MTSS1: variants seen among roughly 807,000 people sequenced by gnomAD.
MTSS1 encodes the protein protein MTSS 1.
A neutral mutation model predicts 79.0 loss-of-function variants in MTSS1; 18 were observed. That is an observed-to-expected ratio of 0.23 (90% CI 0.16 to 0.34). The LOEUF (loss-of-function observed/expected upper bound fraction) is 0.34. MTSS1 is among the 10% of genes least tolerant of loss of function. The pLI is 1.00. For synonymous variants in MTSS1, 341 were observed against 368.6 expected, an observed-to-expected ratio of 0.93 and a Z score of 0.86; for missense variants, 815 against 986.2, an observed-to-expected ratio of 0.83 and a Z score of 2.33.
At chr8:124,652,908 C>T (rs1206037271) in intron 3 of MTSS1, among the ~76,000 whole-genome samples, 1 of 152,060 alleles carries the variant, frequency 6.6e-6, no homozygotes, top group Admixed American at 6.5e-5. Context: ...TTTCATTAAC[C>T]TATCATCAAC....
chr8:124,667,671 A>G (rs1329613787), intron 3 of MTSS1, among the ~76,000 whole-genome samples: 1 of 151,874 alleles, frequency 6.6e-6, no homozygotes, highest in Admixed American at 6.6e-5. Flanking sequence ...ATAAATAACA[A>G]CAACTCCGGG....
rs1208278437 is a variant in MTSS1 at position 124,605,913 on chromosome 8, A to T, written c.209-14678T>A. On this transcript the variant is annotated intron_variant, in intron 3 of 13. Coordinates refer to ENST00000518547, the MANE Select transcript of MTSS1 (RefSeq NM_014751.6). ...GCAGGAATGTTGTATTCATTTTTTT[A>T]AAATCTCATTATACTCCTCTTATAG... Among the ~76,000 whole-genome samples the T allele has an allele frequency of 2.0e-5, 3 of 151,646 alleles. No homozygotes were observed. In the East Asian group the frequency reaches 5.8e-4, roughly 29 times the overall value.
At chr8:124,631,691 T>C (rs568753525) in intron 3 of MTSS1, among the ~76,000 whole-genome samples, 3 of 152,362 alleles carry the variant, frequency 2.0e-5, no homozygotes, top group African/African-American at 7.2e-5. Flanking sequence ...CCCTCGGGCC[T>C]GCCAGCTTCT....
chr8:124,643,820 C>T (rs1430356644), intron 3 of MTSS1, among the ~76,000 whole-genome samples: 1 of 149,764 alleles, frequency 6.7e-6, no homozygotes, highest in Non-Finnish European at 1.5e-5. Context: ...GAGAAAAGTA[C>T]AACAAAATAC....
chr8:124,694,367 C>A (rs1055010868), intron 3 of MTSS1, among the ~76,000 whole-genome samples: 1 of 151,906 alleles, frequency 6.6e-6, no homozygotes, highest in Admixed American at 6.6e-5. Flanking sequence ...TTTTGAACAA[C>A]CATCTCAGGG....
chr8:124,559,902 G>A (rs1320082663), intron 10 of MTSS1, among the ~76,000 whole-genome samples: 1 of 152,194 alleles, frequency 6.6e-6, no homozygotes, highest in Non-Finnish European at 1.5e-5. Flanking sequence ...ATCTGAAAGT[G>A]TTCCTGTATT....
Position 124,557,708 on chromosome 8 carries a change from G to A in MTSS1, c.1203C>T (p.Phe401=), listed in dbSNP as rs1398387526. The A allele has an allele frequency of 1.9e-6, 3 of 1,589,926 alleles. No individual in the cohort carries two copies. In the South Asian group the frequency reaches 3.4e-5, roughly 18 times the overall value. ...AHYYTIGPGM[F]PSSQIPSWKD... is the part of the protein sequence containing the mutation. ...TCCAGCTAGGGATCTGAGATGACGG[G>A]AACATGCCGGGCCCAATGGTGTAAT... Residue 401 remains phenylalanine, a synonymous_variant, in exon 11 of 14, where the codon TTC becomes TTT. Transcript: ENST00000518547.
chr8:124,599,496 A>AG (rs1833386753), intron 3 of MTSS1, among the ~76,000 whole-genome samples: 1 of 151,662 alleles, frequency 6.6e-6, no homozygotes, highest in East Asian at 1.9e-4. Context: ...AAAAAAAAAA[A>AG]AAAAAAGAGA....
intron 1 of MTSS1, among the ~76,000 whole-genome samples, chr8:124,709,202 G>T (rs911674744): frequency 6.6e-6 from 1 of 152,066 alleles, no homozygotes; most frequent in Non-Finnish European, 1.5e-5. Context: ...AAAGAAACCC[G>T]CAACCCAAGA....
chr8:124,717,587 G>A (rs576941956), intron 1 of MTSS1, among the ~76,000 whole-genome samples: 58 of 151,642 alleles, frequency 3.8e-4, no homozygotes, highest in East Asian at 1.7e-3. Flanking sequence ...ACAGATACTC[G>A]GGAGGCTGAG....
At chr8:124,593,054 A>AG (rs1220431254) in intron 3 of MTSS1, among the ~76,000 whole-genome samples, 3 of 152,248 alleles carry the variant, frequency 2.0e-5, no homozygotes, top group Non-Finnish European at 2.9e-5. Flanking sequence ...TCCAAAGAGC[A>AG]GGGGATGCCA....
intron 6 of MTSS1, among the ~76,000 whole-genome samples, chr8:124,570,118 C>A (rs1463327265): frequency 6.6e-6 from 1 of 152,218 alleles, no homozygotes; most frequent in Admixed American, 6.5e-5. Context: ...GCTTAAAGCA[C>A]ATCCCAATAG....
chr8:124,588,676 A>G (rs4870906), intron 5 of MTSS1, among the ~76,000 whole-genome samples: 104,099 of 152,104 alleles, frequency 0.68, 36,738 homozygotes, highest in African/African-American at 0.86. Flanking sequence ...CCTTAAGTAT[A>G]AATGTTTGGC....
intron 1 of MTSS1, among the ~76,000 whole-genome samples, chr8:124,723,552 T>C (rs768606218): frequency 2.0e-5 from 3 of 152,074 alleles, no homozygotes; most frequent in African/African-American, 7.2e-5. Flanking sequence ...CAAACCAGTA[T>C]AGAAACGATT....
chr8:124,717,009 A>G (rs1490238660), intron 1 of MTSS1, among the ~76,000 whole-genome samples: 1 of 151,964 alleles, frequency 6.6e-6, no homozygotes, highest in Admixed American at 6.5e-5. Flanking sequence ...TAGTAAAAAA[A>G]AAAAAAAAAA....
At chr8:124,558,228 A>G (rs1444361988) in intron 10 of MTSS1, among the ~76,000 whole-genome samples, 2 of 152,088 alleles carry the variant, frequency 1.3e-5, no homozygotes, top group East Asian at 3.9e-4. Context: ...TTCATTATGC[A>G]AATTTAAAAA....
At chr8:124,602,893 G>A (rs1041099669) in intron 3 of MTSS1, among the ~76,000 whole-genome samples, 1 of 152,204 alleles carries the variant, frequency 6.6e-6, no homozygotes, top group African/African-American at 2.4e-5. Flanking sequence ...TAAAGAGACA[G>A]CCGCCTGCCC....
At chr8:124,715,152 C>A (rs1464568631) in intron 1 of MTSS1, among the ~76,000 whole-genome samples, 1 of 152,198 alleles carries the variant, frequency 6.6e-6, no homozygotes, top group Admixed American at 6.5e-5. Flanking sequence ...CCTGCCTCTA[C>A]CCAACTCCAA....
At chr8:124,689,907 C>A (rs56123113) in intron 3 of MTSS1, among the ~76,000 whole-genome samples, 1,916 of 152,024 alleles carry the variant, frequency 0.013, 16 homozygotes, top group Non-Finnish European at 0.022. Flanking sequence ...AACAAAAAGC[C>A]AATCTATGGG....
Sources: allele counts gnomAD v4.1 joint callset (sites outside exome capture counted in the v4.1 genomes callset), GRCh38; gene constraint gnomAD v4.1.1; transcripts MANE v1.5; gene names NCBI Gene and HGNC (gene_info 2026-07-23, HGNC 2026-07-21).